Variants in MGAT4C observed in about 807,000 individuals in gnomAD.
MGAT4C encodes the protein alpha-1,3-mannosyl-glycoprotein 4-beta-N-acetylglucosaminyltransferase C.
Under a neutral mutation model 40.1 loss-of-function variants are expected in MGAT4C, and 19 were observed. The observed-to-expected ratio is 0.47, with a 90% CI of 0.33 to 0.70. MGAT4C has a LOEUF of 0.70. Among genes scored for constraint, MGAT4C ranks in the 30% least tolerant of loss-of-function variants. MGAT4C has a pLI of 0.02. For missense variants in MGAT4C, 491 were observed against 563.2 expected, an observed-to-expected ratio of 0.87 and a Z score of 1.30; for synonymous variants, 181 against 187.1, an observed-to-expected ratio of 0.97 and a Z score of 0.27.
intron 2 of MGAT4C, among the ~76,000 whole-genome samples, chr12:86,587,916 T>C (rs1426354876): frequency 4.6e-5 from 7 of 151,938 alleles, no homozygotes; most frequent in African/African-American, 1.7e-4. Context: ...TGACTTCCTC[T>C]TTTCCTAATT....
chr12:86,157,783 C>T (rs1489323404), intron 1 of MGAT4C, among the ~76,000 whole-genome samples: 3 of 152,030 alleles, frequency 2.0e-5, no homozygotes, highest in African/African-American at 7.2e-5. Context: ...AACCAGATAT[C>T]CTGAGAACTT....
chr12:86,240,250 G>T (rs747316702), intron 1 of MGAT4C, among the ~76,000 whole-genome samples: 1 of 151,110 alleles, frequency 6.6e-6, no homozygotes, highest in African/African-American at 2.4e-5. Context: ...TCGCAAAAGA[G>T]TTACACAGTG....
At chr12:86,782,110 A>G (rs1316121662) in intron 1 of MGAT4C, among the ~76,000 whole-genome samples, 1 of 148,756 alleles carries the variant, frequency 6.7e-6, no homozygotes, top group Non-Finnish European at 1.5e-5. Context: ...CTCCTGCCTC[A>G]GCCTTCTGAG....
At chr12:86,512,153 T>C (rs936526803) in intron 2 of MGAT4C, among the ~76,000 whole-genome samples, 4 of 151,994 alleles carry the variant, frequency 2.6e-5, no homozygotes, top group East Asian at 3.9e-4. Context: ...AAATGTCAAA[T>C]AGGTATATAA....
At chr12:86,727,042 T>G (rs555833830) in intron 2 of MGAT4C, among the ~76,000 whole-genome samples, 1 of 152,156 alleles carries the variant, frequency 6.6e-6, no homozygotes, top group African/African-American at 2.4e-5. Flanking sequence ...TCTTCAAATG[T>G]ATGTTTTCTT....
chr12:86,670,701 A>G (rs1964234009), intron 2 of MGAT4C, among the ~76,000 whole-genome samples: 1 of 152,186 alleles, frequency 6.6e-6, no homozygotes, highest in Admixed American at 6.5e-5. Context: ...TCCAAATAAA[A>G]GAAATCCTGA....
chr12:86,510,207 A>G (rs1169842214), intron 2 of MGAT4C, among the ~76,000 whole-genome samples: 1 of 151,684 alleles, frequency 6.6e-6, no homozygotes, highest in Non-Finnish European at 1.5e-5. Flanking sequence ...TTTGTCATAG[A>G]TAGCTCTTAT....
At chr12:86,059,119 A>C (rs1200605970) in intron 1 of MGAT4C, among the ~76,000 whole-genome samples, 1 of 152,098 alleles carries the variant, frequency 6.6e-6, no homozygotes, top group African/African-American at 2.4e-5. Context: ...ATTTCAGCTT[A>C]CTGCAACCTC....
chr12:86,147,561 C>T (rs1883717464), intron 1 of MGAT4C, among the ~76,000 whole-genome samples: 1 of 152,154 alleles, frequency 6.6e-6, no homozygotes, highest in African/African-American at 2.4e-5. Context: ...TTTAACAGTA[C>T]ATTTTTAAAT....
rs1187997844 is a variant in MGAT4C, at chr12:86,531,720, AT to A, written c.-228-96456del. 4.6e-5 allele frequency among the ~76,000 whole-genome samples: 7 copies of A among 151,992 alleles called. No homozygotes were observed. In the East Asian group the frequency reaches 1.4e-3, roughly 29 times the overall value. On this transcript the variant is annotated intron_variant, in intron 2 of 7. Coordinates refer to the MGAT4C transcript ENST00000548651. ...TTATTATTTTATTTCATGTTTGCAG[AT>A]TTTTTGTTAGGTAGCATTACAAACA...
At chr12:86,248,173 A>T (rs183884220) in intron 1 of MGAT4C, among the ~76,000 whole-genome samples, 4 of 151,732 alleles carry the variant, frequency 2.6e-5, no homozygotes, top group African/African-American at 9.7e-5. Flanking sequence ...TCTAAAGTAC[A>T]CAAAGAAAGA....
At chr12:86,558,689 A>G (rs1229787499) in intron 2 of MGAT4C, among the ~76,000 whole-genome samples, 1 of 152,078 alleles carries the variant, frequency 6.6e-6, no homozygotes, top group Non-Finnish European at 1.5e-5. Flanking sequence ...ATCTACAATT[A>G]TCAAAACACA....
At chr12:86,520,661 C>G (rs1369448301) in intron 2 of MGAT4C, among the ~76,000 whole-genome samples, 1 of 152,106 alleles carries the variant, frequency 6.6e-6, no homozygotes, top group Non-Finnish European at 1.5e-5. Context: ...CCACTGTCTT[C>G]CACAATGGTT....
intron 1 of MGAT4C, among the ~76,000 whole-genome samples, chr12:86,125,489 A>G (rs1880080673): frequency 1.3e-5 from 2 of 152,192 alleles, no homozygotes; most frequent in Non-Finnish European, 2.9e-5. Context: ...CTTGACTCAT[A>G]TAATGTTACA....
At chr12:86,815,312 G>A (rs1026111432) in intron 1 of MGAT4C, among the ~76,000 whole-genome samples, 5 of 152,034 alleles carry the variant, frequency 3.3e-5, no homozygotes, top group Admixed American at 6.6e-5. Flanking sequence ...CCTTGCTCCT[G>A]TAAGAATGAC....
intron 2 of MGAT4C, among the ~76,000 whole-genome samples, chr12:85,992,977 C>T (rs1216530123): frequency 2.0e-5 from 3 of 152,176 alleles, no homozygotes; most frequent in Non-Finnish European, 4.4e-5. Context: ...CTTCCCTATG[C>T]GGGTTCTCTC....
At position 86,623,253 on chromosome 12, in the gene MGAT4C, G is replaced by T. The variant is rs145714041; in HGVS notation, c.-229+103956C>A. Among the ~76,000 whole-genome samples, 20 of 152,212 alleles carry T rather than the reference G, an allele frequency of 1.3e-4. No homozygotes were observed. In the East Asian group the frequency reaches 3.7e-3, roughly 28 times the overall value. ...AGATCAGGACCAAGAATATGGATATGCAGTAATCTAAGCCAGAGTTTCTAT... is the reference window on the plus strand; with the variant it reads ...AGATCAGGACCAAGAATATGGATATTCAGTAATCTAAGCCAGAGTTTCTAT... On this transcript the variant is annotated intron_variant, in intron 2 of 7. Transcript: ENST00000548651.
At chr12:86,789,943 G>A (rs888997164) in intron 1 of MGAT4C, among the ~76,000 whole-genome samples, 1 of 152,050 alleles carries the variant, frequency 6.6e-6, no homozygotes, top group East Asian at 1.9e-4. Flanking sequence ...TGCAGAATTT[G>A]GGTTCCATCA....
intron 2 of MGAT4C, among the ~76,000 whole-genome samples, chr12:86,505,481 A>G (rs909336804): frequency 6.6e-6 from 1 of 152,198 alleles, no homozygotes; most frequent in Non-Finnish European, 1.5e-5. Flanking sequence ...TACATAAACC[A>G]GAGTCAGCAC....
Sources: allele counts gnomAD v4.1 joint callset (sites outside exome capture counted in the v4.1 genomes callset), GRCh38; gene constraint gnomAD v4.1.1; transcripts MANE v1.5; gene names NCBI Gene and HGNC (gene_info 2026-07-23, HGNC 2026-07-21).